Variants in MRI1 observed in about 807,000 individuals in gnomAD.
MRI1 encodes the protein methylthioribose-1-phosphate isomerase.
In MRI1, 32 loss-of-function variants were observed where a neutral mutation model predicts 27.3. The ratio of observed to expected loss-of-function variants is 1.17; its 90% CI spans 0.88 to 1.57. The LOEUF (loss-of-function observed/expected upper bound fraction) is 1.57, where lower values mean the gene tolerates loss of function less well. Among genes scored for constraint, MRI1 ranks in the 40% most tolerant of loss-of-function variants. The pLI is 0.00. For missense variants in MRI1, 508 were observed against 516.1 expected (o/e 0.98, Z 0.15); for synonymous variants, 216 against 227.4 (o/e 0.95, Z 0.45).
intron 2 of MRI1, among the ~76,000 whole-genome samples, chr19:13,765,670 A>C (rs1009944548): frequency 6.6e-6 from 1 of 151,996 alleles, no homozygotes; most frequent in Admixed American, 6.6e-5. Context: ...CCTTCATTTT[A>C]TTATCTCTTC....
Position 13,772,523 on chromosome 19 carries a change from C to T in MRI1, c.*242C>T. 2 of 397,912 alleles carry T rather than the reference C, an allele frequency of 5.0e-6. No individual in the cohort carries two copies. The highest frequency in any genetic ancestry group is 4.5e-6 in the Non-Finnish European group (1 of 220,266). The allele number at this position is 397,912 out of a possible 1,614,324, so 24.6% of individuals were successfully genotyped here. On this transcript the variant is annotated 3_prime_UTR_variant, in exon 6 of 6. Coordinates refer to ENST00000040663, the MANE Select transcript of MRI1 (RefSeq NM_001031727.4). ...CTTCACCTCTCTGTGCCTTGGTTTC[C>T]TCATTTATAAAATGTGGATAACAGG...
chr19:13,767,036 T>A lies in MRI1; in HGVS notation c.547+907T>A, dbSNP rs1974147890. 3.3e-4 allele frequency among the ~76,000 whole-genome samples: 4 copies of A among 12,018 alleles called. No individual in the cohort carries two copies. In the Admixed American group the frequency reaches 4.9e-3, roughly 15 times the overall value. The allele number at this position is 12,018 out of a possible 152,430, so 7.9% of individuals were successfully genotyped here. On this transcript the variant is annotated intron_variant, in intron 3 of 5. Transcript: ENST00000040663. ...ATATATATATATATATATATATATA[T>A]ATTTTTTTTTTTTTTTTTTTTTTTT...
Position 13,772,325 on chromosome 19 carries a change from C to T in MRI1, c.*44C>T, listed in dbSNP as rs142846234. The T allele has an allele frequency of 7.5e-4, 1,188 of 1,573,526 alleles. 5 individuals are homozygous for T. The African/African-American group carries it at 0.015, about 20-fold the overall frequency. ...GCCTGCCTCTCTAGGTTTTTCAATA[C>T]ATTTCTTGAATGGCTACCCAAAAGC... is the stretch of plus-strand genomic sequence containing the variant. On this transcript the variant is annotated 3_prime_UTR_variant, in exon 6 of 6. Transcript: ENST00000040663.
chr19:13,768,237 A>C (rs1166542452), intron 3 of MRI1: 1 of 699,918 alleles, frequency 1.4e-6, no homozygotes, highest in East Asian at 2.7e-5. Context: ...CTGCCTGTAC[A>C]CATGAGGTGT....
In MRI1 at chr19:13,766,022, G is replaced by A. The variant is rs149309863; in HGVS notation, c.440G>A (p.Gly147Glu). Reference sequence around the variant, plus strand: ...GACAACCGAAGCATTGGGGACCTAGGAGCCCGCCACCTCCTGGAGCGGGTG... The same window carrying A: ...GACAACCGAAGCATTGGGGACCTAGAAGCCCGCCACCTCCTGGAGCGGGTG... ...LRDNRSIGDLGARHLLERVAP... is the reference protein window; with the variant it reads ...LRDNRSIGDLEARHLLERVAP... The change falls in exon 3 of 6, where the codon GGA becomes GAA. Residue 147 changes from glycine (G) to glutamate (E), a missense_variant. Around this residue, in one of 3 missense-constraint regions of MRI1, gnomAD observed 457 missense variants for 452.8 expected, o/e 1.01. Coordinates refer to ENST00000040663, the MANE Select transcript of MRI1 (RefSeq NM_001031727.4). 2 of 1,613,364 alleles carry A rather than the reference G, an allele frequency of 1.2e-6. No homozygotes were observed. The highest frequency in any genetic ancestry group is 1.1e-5 in the South Asian group (1 of 91,038).
At chr19:13,769,898 C>T (rs1974234392) in intron 5 of MRI1, among the ~76,000 whole-genome samples, 1 of 149,408 alleles carries the variant, frequency 6.7e-6, no homozygotes, top group Non-Finnish European at 1.5e-5. Flanking sequence ...CCAGCCTGGG[C>T]AACAGAGTGA....
chr19:13,771,703 A>C (rs368836683), intron 5 of MRI1, among the ~76,000 whole-genome samples: 1 of 152,076 alleles, frequency 6.6e-6, no homozygotes, highest in African/African-American at 2.4e-5. Flanking sequence ...CTCTACTAAA[A>C]ATACTGGCTG....
In MRI1 at chr19:13,772,518, G is replaced by C; in HGVS notation, c.*237G>C. ...AGTCACTTCACCTCTCTGTGCCTTG[G>C]TTTCCTCATTTATAAAATGTGGATA... On this transcript the variant is annotated 3_prime_UTR_variant, in exon 6 of 6. Coordinates refer to ENST00000040663, the MANE Select transcript of MRI1 (RefSeq NM_001031727.4). 2.4e-6 allele frequency: 1 copy of C among 410,262 alleles called. No homozygotes were observed. The highest frequency in any genetic ancestry group is 3.2e-4 in the Middle Eastern group (1 of 3,136). The allele number at this position is 410,262 out of a possible 1,614,324, so 25.4% of individuals were successfully genotyped here. A position where few individuals can be genotyped will look rare whatever the true frequency, so the allele number is the denominator to read the frequency against.
At position 13,764,962 on chromosome 19, in the gene MRI1, T is replaced by A. The variant is rs540114579; in HGVS notation, c.224T>A (p.Leu75His). 4 of 1,515,266 alleles carry A rather than the reference T, an allele frequency of 2.6e-6. No homozygotes were observed. The African/African-American group carries it at 5.7e-5, about 22-fold the overall frequency. 93.9% of individuals were successfully genotyped at this position (1,515,266 alleles called of 1,614,324 possible). A position where few individuals can be genotyped will look rare whatever the true frequency, so the allele number is the denominator to read the frequency against. Residue 75 changes from leucine (L) to histidine (H), a missense_variant, in exon 2 of 6, where the codon CTC (leucine) becomes CAC (histidine). Leu to His is a moderately conservative substitution (Grantham distance 99, BLOSUM62 -3). Around this residue, in one of 3 missense-constraint regions of MRI1, gnomAD observed 457 missense variants for 452.8 expected, o/e 1.01. Transcript: ENST00000040663. ...GCCGGGGGACCGGGACTCGCCGCGC[T>A]CGTGGCCTTCGTGCGCGACAAGCTG... is the stretch of plus-strand genomic sequence containing the variant. ...AGAGGPGLAA[L>H]VAFVRDKLSF...
At position 13,765,025 on chromosome 19, in the gene MRI1, T is replaced by G; in HGVS notation, c.287T>G (p.Met96Arg). ...LVTARPTAVN[M>R]ARAARDLADV... ...ACCGCCCGGCCCACCGCTGTCAACATGGCCCGCGCCGCCCGCGACCTGGCT... is the reference window on the plus strand; with the variant it reads ...ACCGCCCGGCCCACCGCTGTCAACAGGGCCCGCGCCGCCCGCGACCTGGCT... Residue 96 changes from methionine to arginine, a missense_variant, in exon 2 of 6, where the codon ATG becomes AGG. Physicochemically the swap from Met to Arg is moderately conservative, Grantham distance 91. Coordinates refer to ENST00000040663, the MANE Select transcript of MRI1 (RefSeq NM_001031727.4). 6.5e-7 allele frequency: 1 copy of G among 1,526,840 alleles called. No homozygotes were observed. The allele number at this position is 1,526,840 out of a possible 1,614,324, so 94.6% of individuals were successfully genotyped here. A position where few individuals can be genotyped will look rare whatever the true frequency, so the allele number is the denominator to read the frequency against.
intron 5 of MRI1, among the ~76,000 whole-genome samples, chr19:13,769,641 G>T (rs1216872148): frequency 2.0e-5 from 3 of 152,074 alleles, no homozygotes. Context: ...AACCAAGACG[G>T]CCAGGCGAGG....
At position 13,773,762 on chromosome 19, in the gene MRI1, ACT is replaced by A. The variant is rs1974322165; in HGVS notation, c.*1485_*1486del. ...AACCTCCGCCTTCTGGGTTCAAGCG[ACT>A]CTCCTGCCTCAGCCTCCCGAGTAGC... is the stretch of plus-strand genomic sequence containing the variant. On this transcript the variant is annotated 3_prime_UTR_variant, in exon 6 of 6. Coordinates refer to ENST00000040663, the MANE Select transcript of MRI1 (RefSeq NM_001031727.4). 1 of 152,050 alleles carries A rather than the reference ACT, an allele frequency of 6.6e-6. No individual in the cohort carries two copies. 9.4% of individuals were successfully genotyped at this position (152,050 alleles called of 1,614,324 possible). A position where few individuals can be genotyped will look rare whatever the true frequency, so the allele number is the denominator to read the frequency against.
chr19:13,770,634 A>G (rs189229795), intron 5 of MRI1, among the ~76,000 whole-genome samples: 37 of 152,280 alleles, frequency 2.4e-4, no homozygotes, highest in Non-Finnish European at 4.1e-4. Context: ...CTGTAATCCC[A>G]GCACTTTGGG....
Position 13,773,394 on chromosome 19 carries a change from C to G in MRI1, c.*1113C>G, listed in dbSNP as rs1974311933. 1.3e-5 allele frequency: 2 copies of G among 152,014 alleles called. No individual in the cohort carries two copies. Among genetic ancestry groups the G allele is most frequent in the Admixed American group, 1.3e-4 (2 of 15,262 alleles). 9.4% of individuals were successfully genotyped at this position (152,014 alleles called of 1,614,324 possible). On this transcript the variant is annotated 3_prime_UTR_variant, in exon 6 of 6. Transcript: ENST00000040663. ...GTGGCTCATGCCTGTAATTCCAGCA[C>G]TTTGGGAGGATCCCTTGAGCCCAGG...
intron 3 of MRI1, among the ~76,000 whole-genome samples, chr19:13,767,031 ATATATATTTTTTT>A (rs1204308653): frequency 1.1e-3 from 31 of 29,038 alleles, no homozygotes; most frequent in African/African-American, 4.3e-3. Context: ...ATATATATAT[ATATATATTTTTTT>A]TTTTTTTTTT....
chr19:13,774,140 AG>A lies in MRI1; in HGVS notation c.*1860del, dbSNP rs1172578478. 1 of 232,230 alleles carries A rather than the reference AG, an allele frequency of 4.3e-6. No individual in the cohort carries two copies. Among genetic ancestry groups the A allele is most frequent in the Non-Finnish European group, 8.3e-6 (1 of 120,928 alleles). The allele number at this position is 232,230 out of a possible 1,614,324, so 14.4% of individuals were successfully genotyped here. On this transcript the variant is annotated 3_prime_UTR_variant, in exon 6 of 6. Coordinates refer to ENST00000040663, the MANE Select transcript of MRI1 (RefSeq NM_001031727.4). ...TGAAAATATTGTTTACTATTACCAA[AG>A]TTTTTGAACCTTCTTAAATTCTGTA...
chr19:13,769,642 C>G (rs1974228289), intron 5 of MRI1, among the ~76,000 whole-genome samples: 1 of 152,058 alleles, frequency 6.6e-6, no homozygotes, highest in East Asian at 1.9e-4. Flanking sequence ...ACCAAGACGG[C>G]CAGGCGAGGT....
chr19:13,771,811 C>T (rs1330970006), intron 5 of MRI1, among the ~76,000 whole-genome samples: 5 of 152,058 alleles, frequency 3.3e-5, no homozygotes, highest in Non-Finnish European at 7.4e-5. Context: ...GAACCAAGAT[C>T]GTGCCATTGC....
At chr19:13,767,025 ATATATATATATATTTTTTTTTTT>A (rs1353044448) in intron 3 of MRI1, among the ~76,000 whole-genome samples, 1 of 13,722 alleles carries the variant, frequency 7.3e-5, no homozygotes, top group African/African-American at 3.4e-4. Context: ...ATATATATAT[ATATATATATATATTTTTTTTTTT>A]TTTTTTTTTT....
Sources: allele counts gnomAD v4.1 joint callset (sites outside exome capture counted in the v4.1 genomes callset), GRCh38; gene constraint gnomAD v4.1.1; regional missense constraint gnomAD v4.1.1; transcripts MANE v1.5; gene names NCBI Gene and HGNC (gene_info 2026-07-23, HGNC 2026-07-21).